Variants in TMF1 observed in about 807,000 individuals in gnomAD.
TMF1 encodes the protein TATA element modulatory factor.
In TMF1, 71 loss-of-function variants were observed where a neutral mutation model predicts 126.5. That is an observed-to-expected ratio of 0.56 (90% CI 0.46 to 0.68). The LOEUF (loss-of-function observed/expected upper bound fraction) is 0.68. Ranked by LOEUF, TMF1 falls within the 30% of genes least tolerant of loss-of-function variation. The pLI, the probability that TMF1 is intolerant of heterozygous loss-of-function variation, is 0.00. For missense variants in TMF1, 1,259 were observed against 1,253.2 expected (o/e 1.00, Z -0.07); for synonymous variants, 461 against 430.5 (o/e 1.07, Z -0.88).
At chr3:69,023,623 CT>C (rs1447654452) in intron 16 of TMF1, among the ~76,000 whole-genome samples, 1 of 152,082 alleles carries the variant, frequency 6.6e-6, no homozygotes, top group Non-Finnish European at 1.5e-5. Context: ...AATTTAGTCT[CT>C]TTGTTCCATG....
rs2091781769 is a variant in TMF1, at chr3:69,028,422, T to G, written c.2595-127A>C. The G allele has an allele frequency of 1.3e-5, 8 of 607,202 alleles. No homozygotes were observed. In the South Asian group the frequency reaches 2.0e-4, roughly 15 times the overall value. 37.6% of individuals were successfully genotyped at this position (607,202 alleles called of 1,614,324 possible). On this transcript the variant is annotated intron_variant, in intron 11 of 16. Coordinates refer to ENST00000398559, the MANE Select transcript of TMF1 (RefSeq NM_007114.3). The stretch of plus-strand genomic sequence containing the variant: ...AATCATTTTTATTACCAGCTTGACA[T>G]CAGTGATTTTCCAACAGTGTGTTCC...
At chr3:69,045,783 T>C (rs1012613024) in intron 2 of TMF1, among the ~76,000 whole-genome samples, 1 of 151,782 alleles carries the variant, frequency 6.6e-6, no homozygotes, top group Admixed American at 6.6e-5. Flanking sequence ...AAAGTAGGGC[T>C]GGACACGGGT....
In TMF1 at chr3:69,047,553, T is replaced by G; in HGVS notation, c.1152A>C (p.Leu384Phe). Reference sequence around the variant, plus strand: ...TTTCTGCTTCCTCAGTGGGTATAACTAATGTTTCATTTACTTCTTCAGATT... The same window carrying G: ...TTTCTGCTTCCTCAGTGGGTATAACGAATGTTTCATTTACTTCTTCAGATT... ...EGKSEEVNETLVIPTEEAEME... is the reference protein window; with the variant it reads ...EGKSEEVNETFVIPTEEAEME... Residue 384 changes from leucine to phenylalanine, a missense_variant, in exon 2 of 17, where the codon TTA becomes TTC. By Grantham distance (22) the Leu-to-Phe change is conservative. Transcript: ENST00000398559. 1 of 1,614,154 alleles carries G rather than the reference T, an allele frequency of 6.2e-7. No individual in the cohort carries two copies. Among genetic ancestry groups the G allele is most frequent in the Non-Finnish European group, 8.5e-7 (1 of 1,180,016 alleles).
chr3:69,050,400 A>C (rs77811522), intron 1 of TMF1, among the ~76,000 whole-genome samples: 1 of 152,194 alleles, frequency 6.6e-6, no homozygotes, highest in African/African-American at 2.4e-5. Context: ...TATCCAAACC[A>C]GAGAAAATCA....
chr3:69,043,009 C>T, intron 4 of TMF1, 97 bp from the exon 5 acceptor site: 2 of 825,060 alleles, frequency 2.4e-6, no homozygotes, highest in South Asian at 3.5e-5. Context: ...TCCATAATCA[C>T]ATTTGCAATA....
At chr3:69,040,648 C>A (rs1008719415) in intron 5 of TMF1, among the ~76,000 whole-genome samples, 1 of 152,056 alleles carries the variant, frequency 6.6e-6, no homozygotes, top group African/African-American at 2.4e-5. Flanking sequence ...AAATACTGGC[C>A]GGGTGCAGTG....
rs202102186 is a variant in TMF1 at position 69,029,042 on chromosome 3, A to ATT, written c.2595-749_2595-748dup. ...GTTATAATATCCTATTACTTTATTT[A>ATT]TTTTTTTTTTTTTGGAGACGGAGTC... On this transcript the variant is annotated intron_variant, in intron 11 of 16. Transcript: ENST00000398559. Among the ~76,000 whole-genome samples the ATT allele has an allele frequency of 7.5e-3, 1,096 of 146,252 alleles. 19 individuals are homozygous for ATT. The highest frequency in any genetic ancestry group is 0.023 in the African/African-American group (902 of 39,954).
At position 69,034,901 on chromosome 3, in the gene TMF1, G is replaced by A. The variant is rs942194910; in HGVS notation, c.2244+122C>T. ...TATTCACACAAGCCACAAAAATTCA[G>A]CAAATGCTAGGTGTGACAGTAATCC... is the stretch of plus-strand genomic sequence containing the variant. On this transcript the variant is annotated intron_variant, in intron 9 of 16. Coordinates refer to ENST00000398559, the MANE Select transcript of TMF1 (RefSeq NM_007114.3). 3.5e-5 allele frequency: 29 copies of A among 839,438 alleles called. No individual in the cohort carries two copies. The Middle Eastern group carries it at 1.2e-3, about 35-fold the overall frequency. The allele number at this position is 839,438 out of a possible 1,614,324, so 52.0% of individuals were successfully genotyped here.
chr3:69,021,256 T>C lies in TMF1; in HGVS notation c.*1921A>G, dbSNP rs1309407354. The stretch of plus-strand genomic sequence containing the variant: ...TATATATGTATAGGAAAAAACAGTG[T>C]ATAGAGGTGTCTATACTATCCATGG... On this transcript the variant is annotated 3_prime_UTR_variant, in exon 17 of 17. Transcript: ENST00000398559. 2 of 152,608 alleles carry C rather than the reference T, an allele frequency of 1.3e-5. No homozygotes were observed. The highest frequency in any genetic ancestry group is 4.8e-5 in the African/African-American group (2 of 41,446). The allele number at this position is 152,608 out of a possible 1,614,324, so 9.5% of individuals were successfully genotyped here. A position where few individuals can be genotyped will look rare whatever the true frequency, so the allele number is the denominator to read the frequency against.
intron 12 of TMF1, 102 bp downstream of exon 12, chr3:69,028,124 G>A (rs966602657): frequency 3.4e-6 from 4 of 1,170,560 alleles, no homozygotes; most frequent in Admixed American, 2.1e-5. Flanking sequence ...TCCAAAAGCA[G>A]TGGCATCACC....
intron 15 of TMF1, chr3:69,024,426 T>C (rs536261337): frequency 1.7e-4 from 37 of 222,768 alleles, no homozygotes; most frequent in African/African-American, 6.9e-4. Flanking sequence ...CAATTATTTG[T>C]TTGAAAACAT....
chr3:69,039,778 A>C, intron 5 of TMF1, 85 bp from the exon 6 acceptor site: 1 of 1,438,796 alleles, frequency 7.0e-7, no homozygotes, highest in Non-Finnish European at 9.4e-7. Context: ...AGTAACATAA[A>C]AGAACAGAAT....
intron 1 of TMF1, among the ~76,000 whole-genome samples, chr3:69,050,551 T>C (rs2107472282): frequency 6.6e-6 from 1 of 152,328 alleles, no homozygotes. Context: ...AATTATACCA[T>C]TCTGAAGACT....
Position 69,023,239 on chromosome 3 carries a change from C to T in TMF1, c.3220G>A (p.Glu1074Lys), listed in dbSNP as rs1328207811. ...GTTTTGTACATATTTTTTACATCTT[C>T]GAGATCTAATCGAAGTTCTTCTGCC... ...EEAEELRLDL[E>K]DVKNMYKTQI... Residue 1074 changes from glutamate (E) to lysine (K), a missense_variant, in exon 17 of 17, where the codon GAA becomes AAA. Transcript: ENST00000398559. The T allele has an allele frequency of 5.0e-6, 8 of 1,611,308 alleles. No homozygotes were observed. The highest frequency in any genetic ancestry group is 5.9e-6 in the Non-Finnish European group (7 of 1,178,200).
rs1314098570 is a variant in TMF1 at position 69,031,562 on chromosome 3, G to GCAATGTGTA, written c.2402-1564_2402-1556dup. On this transcript the variant is annotated intron_variant, in intron 10 of 16. Coordinates refer to ENST00000398559, the MANE Select transcript of TMF1 (RefSeq NM_007114.3). ...AGATTTTAATACTTGGAGATATTAG[G>GCAATGTGTA]CAATGTGTACAAAGGACCTTTCTAT... Among the ~76,000 whole-genome samples the GCAATGTGTA allele has an allele frequency of 2.0e-5, 3 of 152,032 alleles. No homozygotes were observed. In the East Asian group the frequency reaches 5.8e-4, roughly 29 times the overall value.
rs1181690086 is a variant in TMF1 at position 69,048,055 on chromosome 3, G to C, written c.650C>G (p.Ser217Cys). The C allele has an allele frequency of 6.2e-7, 1 of 1,613,972 alleles. No individual in the cohort carries two copies. Among genetic ancestry groups the C allele is most frequent in the African/African-American group, 1.3e-5 (1 of 74,936 alleles). Residue 217 changes from serine (S) to cysteine (C), a missense_variant, in exon 2 of 17, where the codon TCT becomes TGT. Ser to Cys is a moderately radical substitution (Grantham distance 112). Transcript: ENST00000398559. ...MESISNTSTQ[S>C]LTAETKDIAL... ...TATGTCCTTTGTTTCTGCTGTGAGA[G>C]ACTGCGTAGACGTATTAGATATACT...
At chr3:69,035,528 A>G (rs1575813536) in intron 8 of TMF1, 1 of 156,822 alleles carries the variant, frequency 6.4e-6, no homozygotes, top group South Asian at 1.9e-4. Context: ...AAACGTTATA[A>G]TATGTTTAAA....
chr3:69,038,761 C>A, intron 7 of TMF1, 41 bp from the exon 8 acceptor site: 1 of 1,590,806 alleles, frequency 6.3e-7, no homozygotes, highest in Non-Finnish European at 8.5e-7. Context: ...TGCCAGTGAT[C>A]AGATAATAGA....
intron 7 of TMF1, 41 bp from the exon 8 acceptor site, chr3:69,038,761 C>G (rs761371561): frequency 4.4e-6 from 7 of 1,590,814 alleles, no homozygotes; most frequent in Non-Finnish European, 3.4e-6. Flanking sequence ...TGCCAGTGAT[C>G]AGATAATAGA....
Sources: allele counts gnomAD v4.1 joint callset (sites outside exome capture counted in the v4.1 genomes callset), GRCh38; gene constraint gnomAD v4.1.1; transcripts MANE v1.5; gene names NCBI Gene and HGNC (gene_info 2026-07-23, HGNC 2026-07-21).